The following MGAM variants were observed in gnomAD, a reference collection of about 807,000 sequenced individuals.
The protein encoded by MGAM is maltase-glucoamylase.
Under a neutral mutation model 358.8 loss-of-function variants are expected in MGAM, and 253 were observed. The observed-to-expected ratio is 0.71, with a 90% CI of 0.64 to 0.78. The LOEUF (loss-of-function observed/expected upper bound fraction) is 0.78, where lower values mean the gene tolerates loss of function less well. Ranked by LOEUF, MGAM falls within the 30% of genes least tolerant of loss-of-function variation. MGAM has a pLI of 0.00. For synonymous variants in MGAM, 1,105 were observed against 1,227.1 expected, an observed-to-expected ratio of 0.90 and a Z score of 2.08; for missense variants, 3,080 against 3,432.6, an observed-to-expected ratio of 0.90 and a Z score of 2.57.
At chr7:142,036,411 C>G in intron 17 of MGAM, 126 bp downstream of exon 17, 2 of 724,524 alleles carry the variant, frequency 2.8e-6, no homozygotes, top group Admixed American at 4.9e-5. Flanking sequence ...CTAATTTGCA[C>G]TATCATGTGC....
intron 52 of MGAM, 122 bp from the exon 53 acceptor site, chr7:142,083,179 A>C: frequency 1.3e-6 from 1 of 750,068 alleles, no homozygotes; most frequent in Non-Finnish European, 2.1e-6. Context: ...TTATGATAGA[A>C]AATACTGGCT....
At chr7:142,056,237 G>A in intron 29 of MGAM, 141 bp downstream of exon 29, 1 of 784,326 alleles carries the variant, frequency 1.3e-6, no homozygotes, top group South Asian at 1.8e-5. Context: ...TTTGTGTTTA[G>A]CCTTTCTGTT....
chr7:142,024,035 A>G (rs1315654051), intron 7 of MGAM, among the ~76,000 whole-genome samples: 5 of 152,038 alleles, frequency 3.3e-5, no homozygotes, highest in African/African-American at 1.2e-4. Flanking sequence ...GGAGTTCAAG[A>G]TCAACCTGGT....
Position 142,026,566 on chromosome 7 carries a change from A to T in MGAM, c.983-549A>T, listed in dbSNP as rs115494601. 5.6e-3 allele frequency among the ~76,000 whole-genome samples: 850 copies of T among 152,330 alleles called. 4 individuals carry two copies. Among genetic ancestry groups the T allele is most frequent in the African/African-American group, 0.013 (534 of 41,582 alleles). ...AATGGGGAAAGACACTTAGGAGAGA[A>T]CAAATGACATTTTGGAAAGATAAAT... On this transcript the variant is annotated intron_variant, in intron 8 of 70. Transcript: ENST00000475668.
intron 31 of MGAM, among the ~76,000 whole-genome samples, chr7:142,058,547 G>A (rs1201354395): frequency 6.6e-6 from 1 of 152,220 alleles, no homozygotes; most frequent in African/African-American, 2.4e-5. Flanking sequence ...CGCCAGAGTG[G>A]GAGATAGGCT....
chr7:142,081,986 T>C (rs1814338414), intron 50 of MGAM, 56 bp from the exon 51 acceptor site: 3 of 1,500,504 alleles, frequency 2.0e-6, no homozygotes, highest in South Asian at 2.3e-5. Flanking sequence ...AGTCAGCTGC[T>C]GGAAGCAGAG....
intron 68 of MGAM, among the ~76,000 whole-genome samples, chr7:142,101,844 G>A (rs954198841): frequency 6.6e-6 from 1 of 151,178 alleles, no homozygotes; most frequent in Non-Finnish European, 1.5e-5. Context: ...GGAGGCGGAG[G>A]TTGCAGTGAG....
At chr7:142,047,674 C>T in intron 21 of MGAM, 111 bp from the exon 22 acceptor site, 2 of 962,406 alleles carry the variant, frequency 2.1e-6, no homozygotes, top group Non-Finnish European at 3.2e-6. Flanking sequence ...AAAAGCAGAA[C>T]CATCTGCTGC....
chr7:142,075,752 G>C, intron 45 of MGAM, among the ~76,000 whole-genome samples: 1 of 146,144 alleles, frequency 6.8e-6, no homozygotes, highest in African/African-American at 2.4e-5. Flanking sequence ...CCTCACACCT[G>C]TTAGCATGGA....
chr7:142,029,884 AG>A (rs1227112980), intron 10 of MGAM, among the ~76,000 whole-genome samples: 5 of 152,214 alleles, frequency 3.3e-5, no homozygotes, highest in African/African-American at 9.6e-5. Context: ...CTGTTTATAC[AG>A]GTAAAATTGG....
In MGAM at chr7:142,091,049, C is replaced by A. The variant is rs115576722; in HGVS notation, c.6811-864C>A. 3.8e-3 allele frequency among the ~76,000 whole-genome samples: 554 copies of A among 145,024 alleles called. 14 individuals carry two copies. Among genetic ancestry groups the A allele is most frequent in the African/African-American group, 0.013 (537 of 40,952 alleles). On this transcript the variant is annotated intron_variant, in intron 57 of 70. Coordinates refer to ENST00000475668, the MANE Select transcript of MGAM (RefSeq NM_001365693.1). ...ATCACTTTAGGTCAGGAATTTGAGA[C>A]CAGCCTGAACAACATGAGGAAACTA...
At chr7:142,076,567 G>C in intron 46 of MGAM, 92 bp from the exon 47 acceptor site, 1 of 1,157,178 alleles carries the variant, frequency 8.6e-7, no homozygotes. Context: ...GCAGTGGGGG[G>C]TATCCAGTCT....
rs1816282566 is a variant in MGAM at position 142,099,723 on chromosome 7, G to A, written c.7860G>A (p.Leu2620=). The A allele has an allele frequency of 1.2e-6, 2 of 1,613,950 alleles. No individual in the cohort carries two copies. Among genetic ancestry groups the A allele is most frequent in the Non-Finnish European group, 1.7e-6 (2 of 1,179,862 alleles). The change falls in exon 67 of 71, where the codon CTG becomes CTA. Residue 2620 remains leucine, a synonymous_variant. Transcript: ENST00000475668. Reference sequence around the variant, plus strand: ...TCCTGCCCTGGCAAGAGCCTGCACTGAACACCCACTTAAGGTAAGTGACAG... The same window carrying A: ...TCCTGCCCTGGCAAGAGCCTGCACTAAACACCCACTTAAGGTAAGTGACAG... ...GYILPWQEPA[L]NTHLSRQKFM...
rs10278406 is a variant in MGAM at position 142,062,383 on chromosome 7, A to G, written c.4123-185A>G. ...TTTTCCAAATGCTGGGAAGGTGTGC[A>G]AATTGCACTAATTTCTCCTCTCATT... On this transcript the variant is annotated intron_variant, in intron 34 of 70. Coordinates refer to ENST00000475668, the MANE Select transcript of MGAM (RefSeq NM_001365693.1). Among the ~76,000 whole-genome samples, 882 of 152,282 alleles carry G rather than the reference A, an allele frequency of 5.8e-3. 8 individuals carry two copies. The highest frequency in any genetic ancestry group is 0.02 in the African/African-American group (823 of 41,554).
At chr7:141,997,011 TTAAAA>T (rs1260316504) in intron 1 of MGAM, among the ~76,000 whole-genome samples, 5 of 152,076 alleles carry the variant, frequency 3.3e-5, no homozygotes, top group South Asian at 2.1e-4. Flanking sequence ...AAAATAAAAC[TTAAAA>T]TAAAACTTAA....
chr7:142,099,551 T>C, intron 66 of MGAM, 62 bp from the exon 67 acceptor site: 1 of 1,611,376 alleles, frequency 6.2e-7, no homozygotes, highest in Non-Finnish European at 8.5e-7. Flanking sequence ...TCTGGCAGGA[T>C]GCATTGTTCA....
At chr7:142,095,456 T>C (rs1815814260) in intron 63 of MGAM, 109 bp from the exon 64 acceptor site, 4 of 1,498,074 alleles carry the variant, frequency 2.7e-6, no homozygotes, top group South Asian at 1.2e-5. Flanking sequence ...TGTAGTTTTC[T>C]TTTGTTTAGC....
intron 4 of MGAM, 142 bp from the exon 5 acceptor site, chr7:142,020,832 T>A (rs868943799): frequency 1.6e-6 from 1 of 637,738 alleles, no homozygotes; most frequent in Middle Eastern, 2.5e-4. Flanking sequence ...GACCTTGTGA[T>A]CCACCTGCCT....
chr7:141,987,550 G>A (rs1435889565), intron 2 of MGAM, among the ~76,000 whole-genome samples: 1 of 152,088 alleles, frequency 6.6e-6, no homozygotes, highest in East Asian at 1.9e-4. Context: ...GTTATGTTGA[G>A]CTTCCCACAC....
Sources: gnomAD v4.1 joint callset for allele counts (sites outside exome capture counted in the v4.1 genomes callset) on GRCh38, gnomAD v4.1.1 for gene constraint, MANE v1.5 for transcripts, NCBI Gene and HGNC (gene_info 2026-07-23, HGNC 2026-07-21) for gene names.